The following DEPTOR variants were observed in gnomAD, a reference collection of about 807,000 sequenced individuals.
The protein encoded by DEPTOR is DEP domain-containing mTOR-interacting protein.
DEPTOR carries 41 observed loss-of-function variants against 41.6 expected under a neutral mutation model. The observed-to-expected ratio is 0.98, with a 90% confidence interval of 0.77 to 1.28. The LOEUF is 1.28. DEPTOR is among the 50% of genes most tolerant of loss of function. The pLI is 0.00. For synonymous variants in DEPTOR, 195 were observed against 192.3 expected, an observed-to-expected ratio of 1.01 and a Z score of -0.12; for missense variants, 514 against 527.9, an observed-to-expected ratio of 0.97 and a Z score of 0.26.
chr8:119,954,967 T>G lies in DEPTOR; in HGVS notation c.426-10265T>G, dbSNP rs528617713. Among the ~76,000 whole-genome samples, 252 of 152,210 alleles carry G rather than the reference T, an allele frequency of 1.7e-3. 1 individual carries two copies. Among genetic ancestry groups the G allele is most frequent in the African/African-American group, 6.0e-3 (248 of 41,536 alleles). ...TCCGTCTCCTGGGTTCAAGCGATTC[T>G]CCTGCCTCAGCCTCTTGAGTAGCTG... is the stretch of plus-strand genomic sequence containing the variant. On this transcript the variant is annotated intron_variant, in intron 3 of 8. Transcript: ENST00000286234.
chr8:119,974,115 C>T (rs894737802), intron 4 of DEPTOR, among the ~76,000 whole-genome samples: 1 of 150,106 alleles, frequency 6.7e-6, no homozygotes, highest in Non-Finnish European at 1.5e-5. Flanking sequence ...AAAGAAGGTA[C>T]TAACTGGGTG....
At chr8:119,940,771 A>G (rs970325577) in intron 3 of DEPTOR, among the ~76,000 whole-genome samples, 1 of 152,212 alleles carries the variant, frequency 6.6e-6, no homozygotes, top group African/African-American at 2.4e-5. Flanking sequence ...TTTAAAAAAA[A>G]GAAAAATTAT....
intron 4 of DEPTOR, among the ~76,000 whole-genome samples, chr8:119,990,938 G>C (rs1423471325): frequency 1.3e-5 from 2 of 152,086 alleles, no homozygotes; most frequent in Non-Finnish European, 2.9e-5. Flanking sequence ...AAGGACTTTT[G>C]CTGCTTTAGG....
At chr8:119,956,431 CA>C (rs1215431762) in intron 3 of DEPTOR, among the ~76,000 whole-genome samples, 2 of 152,200 alleles carry the variant, frequency 1.3e-5, no homozygotes. Context: ...CTGGCAGAAG[CA>C]GCTAACCAGT....
At chr8:119,994,138 G>GAA (rs140691940) in intron 4 of DEPTOR, among the ~76,000 whole-genome samples, 2 of 146,162 alleles carry the variant, frequency 1.4e-5, no homozygotes, top group Non-Finnish European at 3.0e-5. Flanking sequence ...ACTCCATCTC[G>GAA]AAAAAAAAAA....
chr8:119,962,564 A>G (rs1245039505), intron 3 of DEPTOR, among the ~76,000 whole-genome samples: 2 of 152,278 alleles, frequency 1.3e-5, no homozygotes, highest in African/African-American at 2.4e-5. Context: ...GATCACGCAT[A>G]CTTTATAGGC....
intron 4 of DEPTOR, among the ~76,000 whole-genome samples, chr8:119,966,566 C>T (rs1171363870): frequency 2.0e-5 from 3 of 152,144 alleles, no homozygotes; most frequent in Non-Finnish European, 4.4e-5. Context: ...CTCACTGCAA[C>T]CTCCGCCTCC....
intron 3 of DEPTOR, among the ~76,000 whole-genome samples, chr8:119,932,947 G>C (rs1828064102): frequency 1.3e-5 from 2 of 152,174 alleles, no homozygotes; most frequent in African/African-American, 4.8e-5. Flanking sequence ...AATGAGACCA[G>C]AGTGTCCAGA....
rs148361423 is a variant in DEPTOR, at chr8:119,925,127, C to T, written c.123-3273C>T. Among the ~76,000 whole-genome samples, 41 of 152,282 alleles carry T rather than the reference C, an allele frequency of 2.7e-4. No homozygotes were observed. In the East Asian group the frequency reaches 5.2e-3, roughly 19 times the overall value. ...CATCAAGGCTGAGTGTGGTGGCTCA[C>T]GCCTGTAATCACAGCACTTTGGGAG... On this transcript the variant is annotated intron_variant, in intron 1 of 8. Coordinates refer to ENST00000286234, the MANE Select transcript of DEPTOR (RefSeq NM_022783.4).
chr8:120,015,875 T>G (rs767503014), intron 8 of DEPTOR, among the ~76,000 whole-genome samples: 32 of 152,142 alleles, frequency 2.1e-4, no homozygotes, highest in Non-Finnish European at 4.3e-4. Flanking sequence ...CCCTAGCCTT[T>G]TAATATGCAA....
intron 1 of DEPTOR, 69 bp from the exon 2 acceptor site, chr8:119,928,331 G>C (rs1827989144): frequency 6.6e-7 from 1 of 1,517,458 alleles, no homozygotes; most frequent in Non-Finnish European, 9.0e-7. Context: ...TGTTATTACT[G>C]TCTGGGATTG....
chr8:119,914,444 T>G (rs1430421386), intron 1 of DEPTOR, among the ~76,000 whole-genome samples: 2 of 151,042 alleles, frequency 1.3e-5, no homozygotes, highest in Non-Finnish European at 2.9e-5. Flanking sequence ...CCCAAGCCTT[T>G]TTTTTTCTTT....
At chr8:119,983,538 C>T (rs555565578) in intron 4 of DEPTOR, among the ~76,000 whole-genome samples, 1 of 152,254 alleles carries the variant, frequency 6.6e-6, no homozygotes, top group African/African-American at 2.4e-5. Flanking sequence ...GTGCCCGCCA[C>T]CACGCTCAGC....
At chr8:119,990,969 T>C (rs4053282) in intron 4 of DEPTOR, among the ~76,000 whole-genome samples, 106,730 of 151,492 alleles carry the variant, frequency 0.7, 37,738 homozygotes, top group Middle Eastern at 0.8. Context: ...CCTTCAACTA[T>C]TGCTTCCATT....
chr8:119,922,011 G>A (rs758886971), intron 1 of DEPTOR, among the ~76,000 whole-genome samples: 4 of 152,036 alleles, frequency 2.6e-5, no homozygotes, highest in Admixed American at 6.6e-5. Context: ...GCCGAGGTGG[G>A]TGGATCACCT....
rs186754140 is a variant in DEPTOR, at chr8:119,940,575, G to A, written c.425+10637G>A. Among the ~76,000 whole-genome samples, 191 of 151,772 alleles carry A rather than the reference G, an allele frequency of 1.3e-3. 4 individuals carry two copies. Among genetic ancestry groups the A allele is most frequent in the East Asian group, 3.9e-4 (2 of 5,110 alleles). The stretch of plus-strand genomic sequence containing the variant: ...AGCCTGGCCAACTTGGCAAAACCTC[G>A]TCTCTACTGAAAATACAAAAATTAG... On this transcript the variant is annotated intron_variant, in intron 3 of 8. Coordinates refer to ENST00000286234, the MANE Select transcript of DEPTOR (RefSeq NM_022783.4).
chr8:119,914,466 G>A (rs1363658141), intron 1 of DEPTOR, among the ~76,000 whole-genome samples: 1 of 150,606 alleles, frequency 6.6e-6, no homozygotes, highest in Admixed American at 6.6e-5. Flanking sequence ...TTGAGATGAA[G>A]TTTCACTCTG....
chr8:119,977,824 CTCTCT>C (rs1290442320), intron 4 of DEPTOR, among the ~76,000 whole-genome samples: 1 of 151,938 alleles, frequency 6.6e-6, no homozygotes, highest in East Asian at 1.9e-4. Flanking sequence ...TTCTTTCTCT[CTCTCT>C]TTTTTTTAAT....
At chr8:120,019,228 C>T (rs2130130432) in intron 8 of DEPTOR, among the ~76,000 whole-genome samples, 1 of 152,242 alleles carries the variant, frequency 6.6e-6, no homozygotes, top group Middle Eastern at 3.4e-3. Flanking sequence ...TCACTTGAAC[C>T]CAGGAGGAGG....
Sources: allele counts gnomAD v4.1 joint callset (sites outside exome capture counted in the v4.1 genomes callset), GRCh38; gene constraint gnomAD v4.1.1; transcripts MANE v1.5; gene names NCBI Gene and HGNC (gene_info 2026-07-23, HGNC 2026-07-21).